The following NLRP8 variants were observed in gnomAD, a reference collection of about 807,000 sequenced individuals.
NLRP8 encodes NLR family pyrin domain containing 8.
A neutral mutation model predicts 88.7 loss-of-function variants in NLRP8; 86 were observed. That is an observed-to-expected ratio of 0.97 (90% CI 0.81 to 1.16). NLRP8 has a LOEUF of 1.16. Ranked by LOEUF, NLRP8 falls within the 50% of genes most tolerant of loss-of-function variation. The probability of loss-of-function intolerance (pLI) is 0.00; values close to 1 mark genes in which losing one functional copy is unlikely to be tolerated. For missense variants in NLRP8, 1,342 were observed against 1,286.5 expected, an observed-to-expected ratio of 1.04 and a Z score of -0.66; for synonymous variants, 504 against 494.6, an observed-to-expected ratio of 1.02 and a Z score of -0.25.
At chr19:55,958,605 A>C (rs1454283722) in intron 3 of NLRP8, among the ~76,000 whole-genome samples, 1 of 152,232 alleles carries the variant, frequency 6.6e-6, no homozygotes. Flanking sequence ...CCGCGGCAGG[A>C]CTGAGTCATT....
At chr19:55,986,153 T>C (rs139701680) in intron 9 of NLRP8, among the ~76,000 whole-genome samples, 4,135 of 152,202 alleles carry the variant, frequency 0.027, 86 homozygotes, top group Admixed American at 0.066. Context: ...TCATTTGACA[T>C]TGTATACATA....
At chr19:55,979,660 T>C in intron 9 of NLRP8, 96 bp downstream of exon 9, 3 of 1,337,292 alleles carry the variant, frequency 2.2e-6, no homozygotes, top group African/African-American at 1.5e-5. Context: ...GGTGCATGCC[T>C]GTAATCCCAG....
chr19:55,959,511 C>G (rs1267257327), intron 3 of NLRP8, among the ~76,000 whole-genome samples: 1 of 100,880 alleles, frequency 9.9e-6, no homozygotes, highest in Non-Finnish European at 2.1e-5. Flanking sequence ...CGCGCCCGGC[C>G]AGGGTGTATT....
Position 55,955,408 on chromosome 19 carries a change from A to G in NLRP8, c.1350A>G (p.Gln450=). The change falls in exon 3 of 10, where the codon CAA becomes CAG. Residue 450 remains glutamine (Q), a synonymous_variant. Transcript: ENST00000291971. ...TTTCCAGAAAGATCCACCAAGCACA[A>G]CTGGAAGGTCTGTGTCACTTGGCCG... 1.2e-6 allele frequency: 2 copies of G among 1,614,228 alleles called. No individual in the cohort carries two copies. Among genetic ancestry groups the G allele is most frequent in the Non-Finnish European group, 1.7e-6 (2 of 1,180,036 alleles).
In NLRP8 at chr19:55,987,979, A is replaced by G. The variant is rs306455; in HGVS notation, c.*66A>G. On this transcript the variant is annotated 3_prime_UTR_variant, in exon 10 of 10. Transcript: ENST00000291971. ...CCCACTCTGACAACTGGCAAATACC[A>G]GGCGTTATCATCCTGTATGCATTAA... 0.68 allele frequency: 833,403 copies of G among 1,231,432 alleles called. 283,583 individuals carry two copies. Among genetic ancestry groups the G allele is most frequent in the Admixed American group, 0.72 (42,008 of 58,676 alleles). 76.3% of individuals were successfully genotyped at this position (1,231,432 alleles called of 1,614,324 possible). A position where few individuals can be genotyped will look rare whatever the true frequency, so the allele number is the denominator to read the frequency against.
intron 7 of NLRP8, 41 bp from the exon 8 acceptor site, chr19:55,976,072 TGTTGTTGTTGTTTTGTTGTA>T: frequency 7.4e-7 from 1 of 1,350,068 alleles, no homozygotes; most frequent in Non-Finnish European, 1.0e-6. Flanking sequence ...TCGTTGTTGT[TGTTGTTGTTGTTTTGTTGTA>T]GTTGTTGTTG....
Position 55,976,128 on chromosome 19 carries a change from T to G in NLRP8, c.2706-5T>G. 3.2e-6 allele frequency: 5 copies of G among 1,586,738 alleles called. No individual in the cohort carries two copies. The South Asian group carries it at 5.8e-5, about 18-fold the overall frequency. On this transcript the variant is annotated splice_polypyrimidine_tract_variant and splice_region_variant and intron_variant, in intron 7 of 9. Transcript: ENST00000291971. The stretch of plus-strand genomic sequence containing the variant: ...TTGTTGTTTTTAACCTGTGTTTCTT[T>G]GCAGACTGAGAAAGTGTGACTTGAC...
rs773299459 is a variant in NLRP8, at chr19:55,986,286, TCA to T, written c.3048-1518_3048-1517del. Among the ~76,000 whole-genome samples, 37 of 144,564 alleles carry T rather than the reference TCA, an allele frequency of 2.6e-4. 1 individual carries two copies. Among genetic ancestry groups the T allele is most frequent in the African/African-American group, 9.7e-4 (37 of 38,032 alleles). The allele number at this position is 144,564 out of a possible 152,430, so 94.8% of individuals were successfully genotyped here. ...AAGGGCACCCAACACACACTCACAC[TCA>T]CACACACACTCTATCATACACAGTC... On this transcript the variant is annotated intron_variant, in intron 9 of 9. Transcript: ENST00000291971.
chr19:55,958,837 C>T (rs952698311), intron 3 of NLRP8, among the ~76,000 whole-genome samples: 2 of 152,080 alleles, frequency 1.3e-5, no homozygotes, highest in African/African-American at 4.8e-5. Context: ...AGGTGTGAGC[C>T]ACCGCGTCCA....
At position 55,970,533 on chromosome 19, in the gene NLRP8, G is replaced by T. The variant is rs2123212762; in HGVS notation, c.2382-11G>T. ...GAACCATGGCTCAGCATTTGTATCT[G>T]GCTTCTACAGGTTGGAAGACTGCTT... On this transcript the variant is annotated splice_polypyrimidine_tract_variant and intron_variant, in intron 5 of 9. Coordinates refer to ENST00000291971, the MANE Select transcript of NLRP8 (RefSeq NM_176811.2). 3 of 1,613,784 alleles carry T rather than the reference G, an allele frequency of 1.9e-6. No homozygotes were observed. The highest frequency in any genetic ancestry group is 2.5e-6 in the Non-Finnish European group (3 of 1,179,848).
At chr19:55,984,426 G>T (rs940429574) in intron 9 of NLRP8, among the ~76,000 whole-genome samples, 1 of 151,474 alleles carries the variant, frequency 6.6e-6, no homozygotes, top group Admixed American at 6.6e-5. Flanking sequence ...AGGCCGAAGC[G>T]GGGGGATCAC....
intron 9 of NLRP8, among the ~76,000 whole-genome samples, chr19:55,986,707 G>A (rs1004201094): frequency 2.0e-5 from 3 of 152,202 alleles, no homozygotes; most frequent in Non-Finnish European, 4.4e-5. Flanking sequence ...CACTGGCTCA[G>A]CGCTCCCCAG....
chr19:55,965,636 C>A (rs893206043), intron 4 of NLRP8, among the ~76,000 whole-genome samples: 19 of 149,308 alleles, frequency 1.3e-4, no homozygotes, highest in Admixed American at 1.2e-3. Context: ...GAATTCTGAT[C>A]CTGTGAGTCA....
Position 55,956,179 on chromosome 19 carries a change from C to A in NLRP8, c.2042+79C>A, listed in dbSNP as rs2123191019. 5 of 1,379,588 alleles carry A rather than the reference C, an allele frequency of 3.6e-6. No homozygotes were observed. In the South Asian group the frequency reaches 6.9e-5, roughly 19 times the overall value. The allele number at this position is 1,379,588 out of a possible 1,614,324, so 85.5% of individuals were successfully genotyped here. On this transcript the variant is annotated intron_variant, in intron 3 of 9. Transcript: ENST00000291971. ...ATGGTGTCCCGGGTGTTTAGGGGGT[C>A]AATCTGCAAACCTTTCTGATCTCTT... is the stretch of plus-strand genomic sequence containing the variant.
At chr19:55,971,167 C>T (rs1291183090) in intron 6 of NLRP8, among the ~76,000 whole-genome samples, 1 of 152,116 alleles carries the variant, frequency 6.6e-6, no homozygotes, top group Non-Finnish European at 1.5e-5. Flanking sequence ...GGGCCGGGCA[C>T]GGTGGCTCAT....
rs745591503 is a variant in NLRP8, at chr19:55,962,192, T to A, written c.2168T>A (p.Leu723His). 3.5e-5 allele frequency: 57 copies of A among 1,614,048 alleles called. No individual in the cohort carries two copies. The highest frequency in any genetic ancestry group is 4.7e-5 in the Non-Finnish European group (56 of 1,180,032). ...TTGGGGCCTCCTTTTTTGAAGGCTC[T>A]CGCGGCCGCACTGAGGCACCCTCAG... is the stretch of plus-strand genomic sequence containing the variant. The change falls in exon 4 of 10, where the codon CTC (leucine) becomes CAC (histidine). Residue 723 changes from leucine (L) to histidine (H), a missense_variant. Physicochemically the swap from Leu to His is moderately conservative, Grantham distance 99. Coordinates refer to ENST00000291971, the MANE Select transcript of NLRP8 (RefSeq NM_176811.2).
chr19:55,971,794 G>C (rs921102852), intron 6 of NLRP8, among the ~76,000 whole-genome samples: 7 of 152,100 alleles, frequency 4.6e-5, no homozygotes, highest in Non-Finnish European at 8.8e-5. Context: ...GTATGAAGGT[G>C]CTCCTAACTC....
At chr19:55,979,337 C>A in intron 8 of NLRP8, 57 bp from the exon 9 acceptor site, 1 of 1,587,458 alleles carries the variant, frequency 6.3e-7, no homozygotes, top group Non-Finnish European at 8.6e-7. Context: ...ACCGGCTGAG[C>A]TCTCAGATGA....
chr19:55,966,390 G>C lies in NLRP8; in HGVS notation c.2381+10G>C. ...GTCTGCAGTGTCTCAGGTGAGATTT[G>C]AGAGGGGGGTTAGAGTGGGAACCGG... On this transcript the variant is annotated intron_variant, in intron 5 of 9. Coordinates refer to ENST00000291971, the MANE Select transcript of NLRP8 (RefSeq NM_176811.2). 6.2e-7 allele frequency: 1 copy of C among 1,612,714 alleles called. No individual in the cohort carries two copies. The highest frequency in any genetic ancestry group is 2.2e-5 in the East Asian group (1 of 44,842).
Sources: gnomAD v4.1 joint callset for allele counts (sites outside exome capture counted in the v4.1 genomes callset) on GRCh38, gnomAD v4.1.1 for gene constraint, MANE v1.5 for transcripts, NCBI Gene and HGNC (gene_info 2026-07-23, HGNC 2026-07-21) for gene names.